Variants in PAX5 observed in about 807,000 individuals in gnomAD.
PAX5 encodes paired box 5.
Under a neutral mutation model 43.7 loss-of-function variants are expected in PAX5, and 9 were observed. The observed-to-expected ratio is 0.21, with a 90% CI of 0.12 to 0.36. PAX5 has a LOEUF of 0.36. Among genes scored for constraint, PAX5 ranks in the 10% least tolerant of loss-of-function variants. The probability of loss-of-function intolerance (pLI) is 1.00; values close to 1 mark genes in which losing one functional copy is unlikely to be tolerated. For synonymous variants in PAX5, 228 were observed against 214.3 expected (o/e 1.06, Z -0.56); for missense variants, 383 against 532.7 (o/e 0.72, Z 2.77).
chr9:36,872,287 C>T (rs945449258), intron 8 of PAX5, among the ~76,000 whole-genome samples: 2 of 152,218 alleles, frequency 1.3e-5, no homozygotes, highest in African/African-American at 4.8e-5. Flanking sequence ...AGCCCCAGAT[C>T]TGAAGGGAAC....
chr9:36,884,540 G>A (rs968887403), intron 7 of PAX5, among the ~76,000 whole-genome samples: 1 of 152,116 alleles, frequency 6.6e-6, no homozygotes, highest in Non-Finnish European at 1.5e-5. Flanking sequence ...TACTTAATTG[G>A]TGAGATACTT....
chr9:37,031,802 A>T (rs923639089), intron 1 of PAX5, among the ~76,000 whole-genome samples: 3 of 152,188 alleles, frequency 2.0e-5, no homozygotes, highest in Non-Finnish European at 4.4e-5. Flanking sequence ...CCAGAAGGAC[A>T]CACTCCCTCC....
At chr9:36,876,595 A>T (rs940810817) in intron 8 of PAX5, among the ~76,000 whole-genome samples, 1 of 152,248 alleles carries the variant, frequency 6.6e-6, no homozygotes, top group African/African-American at 2.4e-5. Context: ...AAATATCTTC[A>T]GGCAGGAATC....
At chr9:36,989,853 T>G (rs1386790654) in intron 5 of PAX5, among the ~76,000 whole-genome samples, 2 of 152,244 alleles carry the variant, frequency 1.3e-5, no homozygotes, top group South Asian at 4.1e-4. Context: ...TTTGCTGTTG[T>G]GAACCAGGCC....
intron 6 of PAX5, among the ~76,000 whole-genome samples, chr9:36,966,237 C>T (rs1053239057): frequency 1.3e-5 from 2 of 152,150 alleles, no homozygotes; most frequent in African/African-American, 2.4e-5. Flanking sequence ...TTACGTGGCC[C>T]GAAAGATCAT....
At chr9:36,865,561 G>A (rs1035174329) in intron 8 of PAX5, among the ~76,000 whole-genome samples, 5 of 152,166 alleles carry the variant, frequency 3.3e-5, no homozygotes, top group Non-Finnish European at 5.9e-5. Context: ...GGGAGAGGCT[G>A]GGGAGAGAGG....
At chr9:36,977,538 T>A (rs1835546359) in intron 5 of PAX5, among the ~76,000 whole-genome samples, 2 of 152,112 alleles carry the variant, frequency 1.3e-5, no homozygotes, top group Admixed American at 6.5e-5. Flanking sequence ...TGTTTTGTTT[T>A]GTTTTTGTGA....
At chr9:37,002,116 T>C (rs1837923332) in intron 5 of PAX5, among the ~76,000 whole-genome samples, 1 of 151,886 alleles carries the variant, frequency 6.6e-6, no homozygotes, top group Non-Finnish European at 1.5e-5. Flanking sequence ...AGATGATTAT[T>C]AATTTCCTCA....
chr9:36,890,107 C>G (rs1827250688), intron 7 of PAX5, among the ~76,000 whole-genome samples: 2 of 152,118 alleles, frequency 1.3e-5, no homozygotes, highest in Admixed American at 1.3e-4. Flanking sequence ...CGCTTCAAAC[C>G]CTTGCAGAAT....
At chr9:36,853,223 A>G (rs1823336466) in intron 8 of PAX5, among the ~76,000 whole-genome samples, 1 of 136,366 alleles carries the variant, frequency 7.3e-6, no homozygotes, top group South Asian at 2.5e-4. Flanking sequence ...TTACTTGTTT[A>G]CTAGTTTTTT....
At chr9:37,018,481 G>T (rs1429423334) in intron 2 of PAX5, among the ~76,000 whole-genome samples, 1 of 142,654 alleles carries the variant, frequency 7.0e-6, no homozygotes. Context: ...TGCCTGCCTT[G>T]CCACACACTC....
intron 1 of PAX5, among the ~76,000 whole-genome samples, chr9:37,023,368 G>A (rs1351565236): frequency 6.6e-6 from 1 of 152,176 alleles, no homozygotes; most frequent in Admixed American, 6.5e-5. Context: ...TCTTCTTGGA[G>A]AACCCAAGTC....
chr9:37,010,436 T>C (rs551609624), intron 3 of PAX5, among the ~76,000 whole-genome samples: 1 of 152,304 alleles, frequency 6.6e-6, no homozygotes, highest in Admixed American at 6.5e-5. Context: ...TTAAGCCACA[T>C]TCAAAGGAAG....
At chr9:36,913,956 T>C (rs1260123614) in intron 7 of PAX5, among the ~76,000 whole-genome samples, 2 of 152,120 alleles carry the variant, frequency 1.3e-5, no homozygotes, top group Non-Finnish European at 2.9e-5. Flanking sequence ...ATGAATGCCG[T>C]GTGGTGAAAC....
intron 6 of PAX5, among the ~76,000 whole-genome samples, chr9:36,936,186 T>C (rs1380758198): frequency 2.0e-5 from 3 of 152,188 alleles, no homozygotes; most frequent in Admixed American, 2.0e-4. Context: ...AAGCTCCACT[T>C]CTGGAGAATG....
At chr9:36,954,847 G>T (rs7020311) in intron 6 of PAX5, among the ~76,000 whole-genome samples, 15,974 of 152,072 alleles carry the variant, frequency 0.11, 1,090 homozygotes, top group African/African-American at 0.19. Flanking sequence ...TTTGGTGTAT[G>T]TTGGACTTTC....
At chr9:37,032,081 TC>T (rs1389299284) in intron 1 of PAX5, among the ~76,000 whole-genome samples, 1 of 152,144 alleles carries the variant, frequency 6.6e-6, no homozygotes, top group Non-Finnish European at 1.5e-5. Flanking sequence ...AGGCAGCTCT[TC>T]CCCAACCCAT....
intron 7 of PAX5, among the ~76,000 whole-genome samples, chr9:36,920,323 T>C (rs1166023060): frequency 2.0e-5 from 3 of 152,196 alleles, no homozygotes; most frequent in African/African-American, 7.2e-5. Flanking sequence ...AAATCTTTCA[T>C]GAAAAGAAGA....
At chr9:36,925,802 C>T (rs563120957) in intron 6 of PAX5, among the ~76,000 whole-genome samples, 43 of 152,266 alleles carry the variant, frequency 2.8e-4, no homozygotes, top group African/African-American at 1.0e-3. Flanking sequence ...AGTTCCTGCT[C>T]ACTGTGGGGT....
Sources: gnomAD v4.1 joint callset for allele counts (sites outside exome capture counted in the v4.1 genomes callset) on GRCh38, gnomAD v4.1.1 for gene constraint, MANE v1.5 for transcripts, NCBI Gene and HGNC (gene_info 2026-07-23, HGNC 2026-07-21) for gene names.